Variants in RAD21 observed in about 807,000 individuals in gnomAD.
RAD21 encodes the protein double-strand-break repair protein rad21 homolog.
In RAD21, 18 loss-of-function variants were observed where a neutral mutation model predicts 71.5. That is an observed-to-expected ratio of 0.25 (90% CI 0.17 to 0.37). The LOEUF is 0.37. Among genes scored for constraint, RAD21 ranks in the 10% least tolerant of loss-of-function variants. The pLI is 1.00. For missense variants in RAD21, 493 were observed against 769.1 expected (o/e 0.64, Z 4.25); for synonymous variants, 248 against 254.0 (o/e 0.98, Z 0.22).
chr8:116,857,207 A>C, intron 6 of RAD21, 60 bp downstream of exon 6: 4 of 1,465,374 alleles, frequency 2.7e-6, no homozygotes, highest in Non-Finnish European at 3.8e-6. Flanking sequence ...CTGTTTCCAA[A>C]ACTTTACAAC....
intron 1 of RAD21, among the ~76,000 whole-genome samples, chr8:116,867,223 A>C (rs1812715220): frequency 6.6e-6 from 1 of 152,206 alleles, no homozygotes; most frequent in Admixed American, 6.5e-5. Context: ...CTACTACACG[A>C]AAAGTACTGT....
chr8:116,852,280 G>A (rs905825319), intron 10 of RAD21, 184 bp from the exon 11 acceptor site: 4 of 669,258 alleles, frequency 6.0e-6, no homozygotes. Context: ...AAAGGGGAAA[G>A]GGGATCTTAA....
rs2130471150 is a variant in RAD21, at chr8:116,858,332, A to G, written c.481+20T>C. ...AATATAACATTATAATTAATGGCTA[A>G]TAATTTGTTTCTCTTTTACCAAAAT... On this transcript the variant is annotated intron_variant, in intron 5 of 13. Transcript: ENST00000297338. The G allele has an allele frequency of 6.5e-7, 1 of 1,540,466 alleles. No individual in the cohort carries two copies. The highest frequency in any genetic ancestry group is 2.3e-5 in the East Asian group (1 of 44,434).
At chr8:116,857,508 G>T (rs1812494305) in intron 5 of RAD21, 35 bp from the exon 6 acceptor site, 1 of 1,546,474 alleles carries the variant, frequency 6.5e-7, no homozygotes, top group Admixed American at 1.7e-5. Context: ...AGTTTAGAAA[G>T]ATTAGAAATA....
intron 1 of RAD21, among the ~76,000 whole-genome samples, chr8:116,867,200 A>G (rs1478697961): frequency 6.6e-6 from 1 of 152,198 alleles, no homozygotes; most frequent in Non-Finnish European, 1.5e-5. Context: ...GGGATAAATT[A>G]TCTGTAAAAT....
At position 116,856,227 on chromosome 8, in the gene RAD21, A is replaced by G. The variant is rs1812460474; in HGVS notation, c.876T>C (p.Asp292=). 6.3e-7 allele frequency: 1 copy of G among 1,599,516 alleles called. No homozygotes were observed. Among genetic ancestry groups the G allele is most frequent in the Non-Finnish European group, 8.5e-7 (1 of 1,172,946 alleles). ...CCTCATTTGGAACAAGTGTTGTTTGATCAGTCATGGTTGGCATTGGTTCAA... is the reference window on the plus strand; with the variant it reads ...CCTCATTTGGAACAAGTGTTGTTTGGTCAGTCATGGTTGGCATTGGTTCAA... ...DPVEPMPTMT[D]QTTLVPNEEE... Residue 292 remains aspartate (D), a synonymous_variant, in exon 8 of 14, where the codon GAT becomes GAC. Coordinates refer to ENST00000297338, the MANE Select transcript of RAD21 (RefSeq NM_006265.3).
In RAD21 at chr8:116,861,829, G is replaced by C. The variant is rs879040381; in HGVS notation, c.374+12C>G. On this transcript the variant is annotated intron_variant, in intron 4 of 13. Coordinates refer to ENST00000297338, the MANE Select transcript of RAD21 (RefSeq NM_006265.3). The stretch of plus-strand genomic sequence containing the variant: ...ACCAAGTCAACAATTTTTTTTAAAA[G>C]AAGACACATACTCTAAGTCAGGCAG... 6.3e-7 allele frequency: 1 copy of C among 1,589,972 alleles called. No homozygotes were observed. The highest frequency in any genetic ancestry group is 1.1e-5 in the South Asian group (1 of 90,304).
In RAD21 at chr8:116,856,211, G is replaced by C. The variant is rs148308569; in HGVS notation, c.892C>G (p.Pro298Ala). Residue 298 changes from proline (P) to alanine (A), a missense_variant, in exon 8 of 14, where the codon CCA becomes GCA. Pro to Ala is a conservative substitution (Grantham distance 27). Coordinates refer to ENST00000297338, the MANE Select transcript of RAD21 (RefSeq NM_006265.3). ...AATGCAAATGCTTCTTCCTCATTTG[G>C]AACAAGTGTTGTTTGATCAGTCATG... ...PTMTDQTTLV[P>A]NEEEAFALEP... 5.2e-5 allele frequency: 84 copies of C among 1,604,404 alleles called. No individual in the cohort carries two copies. Among genetic ancestry groups the C allele is most frequent in the Non-Finnish European group, 6.9e-5 (81 of 1,175,918 alleles).
At chr8:116,864,268 C>G (rs1183015546) in intron 2 of RAD21, among the ~76,000 whole-genome samples, 1 of 152,038 alleles carries the variant, frequency 6.6e-6, no homozygotes, top group Non-Finnish European at 1.5e-5. Context: ...CTTTCCCAAA[C>G]CACGCCATAA....
chr8:116,847,214 A>C lies in RAD21; in HGVS notation c.*286T>G, dbSNP rs1433590361. On this transcript the variant is annotated 3_prime_UTR_variant, in exon 14 of 14. Coordinates refer to ENST00000297338, the MANE Select transcript of RAD21 (RefSeq NM_006265.3). ...CTTTTGACTGCCACTCAACATTATT[A>C]CATGCACCAATATTGCACACATCTG... 1.3e-5 allele frequency: 4 copies of C among 309,438 alleles called. No individual in the cohort carries two copies. The highest frequency in any genetic ancestry group is 2.4e-5 in the Non-Finnish European group (4 of 169,044). 19.2% of individuals were successfully genotyped at this position (309,438 alleles called of 1,614,324 possible).
chr8:116,847,563 C>T lies in RAD21; in HGVS notation c.1833G>A (p.Leu611=), dbSNP rs767778174. The change falls in exon 14 of 14, where the codon CTG becomes CTA. Residue 611 remains leucine, a synonymous_variant. Coordinates refer to ENST00000297338, the MANE Select transcript of RAD21 (RefSeq NM_006265.3). ...TGTCACTGTACGGTTCTTCCTGTGT[C>T]AGCTCAATAGCTTGCTGCTTTTTAA... The part of the protein sequence containing the change: ...LVLKKQQAIE[L]TQEEPYSDII... The T allele has an allele frequency of 1.9e-6, 3 of 1,614,060 alleles. No individual in the cohort carries two copies. The South Asian group carries it at 3.3e-5, about 18-fold the overall frequency.
At position 116,861,922 on chromosome 8, in the gene RAD21, T is replaced by G; in HGVS notation, c.293A>C (p.Glu98Ala). ...AFRPGVVDLP[E>A]ENREAAYNAI... is the part of the protein sequence containing the mutation. ...ATTATAAGCTGCTTCCCGATTTTCC[T>G]CAGGCAGGTCAACCACACCTAGAAA... Residue 98 changes from glutamate to alanine, a missense_variant, in exon 4 of 14, where the codon GAG (glutamate) becomes GCG (alanine). Physicochemically the swap from Glu to Ala is moderately radical, Grantham distance 107. Coordinates refer to ENST00000297338, the MANE Select transcript of RAD21 (RefSeq NM_006265.3). 1 of 1,610,988 alleles carries G rather than the reference T, an allele frequency of 6.2e-7. No individual in the cohort carries two copies. Among genetic ancestry groups the G allele is most frequent in the Non-Finnish European group, 8.5e-7 (1 of 1,177,738 alleles).
chr8:116,867,056 CTG>C (rs1178932112), intron 1 of RAD21: 9 of 184,154 alleles, frequency 4.9e-5, no homozygotes, highest in Non-Finnish European at 1.0e-4. Flanking sequence ...TAGAAATAGT[CTG>C]TTTACTGGCC....
chr8:116,862,178 A>G (rs1050051061), intron 3 of RAD21, among the ~76,000 whole-genome samples: 9 of 152,322 alleles, frequency 5.9e-5, no homozygotes, highest in Admixed American at 6.5e-5. Flanking sequence ...TTAAACGGAC[A>G]TATCAACAAA....
At chr8:116,866,812 C>T in intron 1 of RAD21, 51 bp from the exon 2 acceptor site, 1 of 1,246,214 alleles carries the variant, frequency 8.0e-7, no homozygotes, top group Non-Finnish European at 1.0e-6. Context: ...AATTTAAATA[C>T]TTATCAAGAC....
chr8:116,859,882 C>T (rs1421623665), intron 4 of RAD21, among the ~76,000 whole-genome samples: 1 of 152,120 alleles, frequency 6.6e-6, no homozygotes, highest in Non-Finnish European at 1.5e-5. Context: ...TTGCACCAAA[C>T]AGCCAAGTTT....
In RAD21 at chr8:116,854,360, G is replaced by T; in HGVS notation, c.1046C>A (p.Thr349Asn). Residue 349 changes from threonine (T) to asparagine (N), a missense_variant, in exon 9 of 14, where the codon ACT (threonine) becomes AAT (asparagine). Around this residue, in one of 5 missense-constraint regions of RAD21, gnomAD observed 42 missense variants for 117.2 expected, o/e 0.36. Coordinates refer to ENST00000297338, the MANE Select transcript of RAD21 (RefSeq NM_006265.3). The stretch of plus-strand genomic sequence containing the variant: ...GGTGGGCGGTGCCAGATCCAAAGTA[G>T]TAACAATATCTGAATAATCACTAAG... ...AQLSDYSDIV[T>N]TLDLAPPTKK... 1 of 1,613,672 alleles carries T rather than the reference G, an allele frequency of 6.2e-7. No individual in the cohort carries two copies. Among genetic ancestry groups the T allele is most frequent in the Non-Finnish European group, 8.5e-7 (1 of 1,179,822 alleles).
chr8:116,852,856 T>A, intron 9 of RAD21, 148 bp from the exon 10 acceptor site: 2 of 554,298 alleles, frequency 3.6e-6, no homozygotes, highest in Admixed American at 4.4e-5. Flanking sequence ...TTTCATTCCA[T>A]CTGAAAATGA....
intron 4 of RAD21, among the ~76,000 whole-genome samples, chr8:116,860,461 A>C (rs959159032): frequency 6.6e-6 from 1 of 152,170 alleles, no homozygotes; most frequent in African/African-American, 2.4e-5. Flanking sequence ...TATTTTAAGA[A>C]ATTGCCGCAG....
Sources: gnomAD v4.1 joint callset for allele counts (sites outside exome capture counted in the v4.1 genomes callset) on GRCh38, gnomAD v4.1.1 for gene constraint, gnomAD v4.1.1 regional missense constraint, MANE v1.5 for transcripts, NCBI Gene and HGNC (gene_info 2026-07-23, HGNC 2026-07-21) for gene names.